FAM13C: variants seen among roughly 807,000 people sequenced by gnomAD.
FAM13C encodes protein FAM13C.
In FAM13C, 37 loss-of-function variants were observed where a neutral mutation model predicts 73.2. The observed-to-expected ratio is 0.51, with a 90% CI of 0.39 to 0.67. FAM13C has a LOEUF of 0.67. Among genes scored for constraint, FAM13C ranks in the 30% least tolerant of loss-of-function variants. The pLI, the probability that FAM13C is intolerant of heterozygous loss-of-function variation, is 0.00. For missense variants in FAM13C, 589 were observed against 715.6 expected, an observed-to-expected ratio of 0.82 and a Z score of 2.02; for synonymous variants, 246 against 260.9, an observed-to-expected ratio of 0.94 and a Z score of 0.55.
chr10:59,329,824 G>A (rs1300613289), intron 3 of FAM13C, among the ~76,000 whole-genome samples: 1 of 152,080 alleles, frequency 6.6e-6, no homozygotes, highest in Non-Finnish European at 1.5e-5. Flanking sequence ...TACTAAACTA[G>A]GCACCTTCTA....
chr10:59,263,962 T>C (rs986453600), intron 9 of FAM13C, 123 bp downstream of exon 9: 1 of 874,982 alleles, frequency 1.1e-6, no homozygotes, highest in South Asian at 1.4e-5. Context: ...GGAGTTACAG[T>C]CTAAGCAGAA....
chr10:59,357,884 A>G (rs1215253123), intron 1 of FAM13C, among the ~76,000 whole-genome samples: 1 of 152,236 alleles, frequency 6.6e-6, no homozygotes, highest in East Asian at 1.9e-4. Flanking sequence ...CATAAATATA[A>G]CCATAATATA....
intron 5 of FAM13C, among the ~76,000 whole-genome samples, chr10:59,300,336 G>T (rs1024307425): frequency 1.3e-5 from 2 of 152,222 alleles, no homozygotes; most frequent in Admixed American, 1.3e-4. Flanking sequence ...TTTGGACCAT[G>T]ATTCTCATGA....
chr10:59,327,678 T>A (rs1851361689), intron 3 of FAM13C: 1 of 151,654 alleles, frequency 6.6e-6, no homozygotes, highest in Non-Finnish European at 1.5e-5. Context: ...AACATTCGGC[T>A]CAAAAATTGT....
chr10:59,283,421 G>A lies in FAM13C; in HGVS notation c.534C>T (p.Val178=), dbSNP rs371081080. Residue 178 remains valine, a synonymous_variant, in exon 6 of 14, where the codon GTC becomes GTT. Coordinates refer to ENST00000618804, the MANE Select transcript of FAM13C (RefSeq NM_198215.4). The part of the protein sequence containing the change: ...NEEEAAQVHG[V]KDPAPASTQS... The stretch of plus-strand genomic sequence containing the variant: ...GGGTTGATGCTGGCGCCGGGTCCTT[G>A]ACTCCATGCACCTGAGCAGCTTCTT... The A allele has an allele frequency of 1.5e-5, 24 of 1,614,090 alleles. No individual in the cohort carries two copies. Among genetic ancestry groups the A allele is most frequent in the Middle Eastern group, 3.3e-4 (2 of 6,084 alleles).
At chr10:59,331,414 C>T (rs1851954746) in intron 3 of FAM13C, among the ~76,000 whole-genome samples, 1 of 152,138 alleles carries the variant, frequency 6.6e-6, no homozygotes, top group South Asian at 2.1e-4. Context: ...GGATGGGTGA[C>T]TATTTTTAGA....
intron 4 of FAM13C, among the ~76,000 whole-genome samples, chr10:59,310,792 T>C (rs553113989): frequency 1.3e-5 from 2 of 152,306 alleles, no homozygotes; most frequent in Admixed American, 1.3e-4. Context: ...TCCCACCTTG[T>C]ACTTCTCTGA....
chr10:59,326,817 G>A (rs1342063144), intron 3 of FAM13C, among the ~76,000 whole-genome samples: 1 of 152,132 alleles, frequency 6.6e-6, no homozygotes, highest in African/African-American at 2.4e-5. Context: ...GACCTCTCTA[G>A]TCTGCCCTAG....
At chr10:59,283,135 T>A (rs1436461975) in intron 6 of FAM13C, among the ~76,000 whole-genome samples, 1 of 151,954 alleles carries the variant, frequency 6.6e-6, no homozygotes, top group African/African-American at 2.4e-5. Context: ...TGACACCCAT[T>A]TGTGTAAGTG....
At chr10:59,295,083 C>G (rs543311480) in intron 5 of FAM13C, among the ~76,000 whole-genome samples, 5 of 152,176 alleles carry the variant, frequency 3.3e-5, no homozygotes, top group African/African-American at 1.2e-4. Flanking sequence ...ATGCCCCAAG[C>G]CAGATAAATC....
intron 5 of FAM13C, among the ~76,000 whole-genome samples, chr10:59,302,301 A>G (rs1390258699): frequency 1.3e-5 from 2 of 152,210 alleles, no homozygotes; most frequent in Non-Finnish European, 2.9e-5. Context: ...CATGATGTCC[A>G]GTTTGGTGGG....
At chr10:59,283,829 G>A (rs976355573) in intron 5 of FAM13C, 3 of 464,856 alleles carry the variant, frequency 6.5e-6, no homozygotes, top group African/African-American at 1.9e-5. Context: ...GAGGCTTTAC[G>A]CTTTGAGTGT....
At chr10:59,286,229 C>A (rs1287623118) in intron 5 of FAM13C, among the ~76,000 whole-genome samples, 1 of 152,038 alleles carries the variant, frequency 6.6e-6, no homozygotes, top group African/African-American at 2.4e-5. Flanking sequence ...TAAAATTCAT[C>A]GAAGCTGGAA....
chr10:59,248,652 A>T (rs893007167), intron 13 of FAM13C, among the ~76,000 whole-genome samples: 5 of 152,178 alleles, frequency 3.3e-5, no homozygotes, highest in Admixed American at 2.6e-4. Context: ...TTACAACTGA[A>T]TATAACCACA....
intron 5 of FAM13C, among the ~76,000 whole-genome samples, chr10:59,288,059 C>T (rs1391866806): frequency 5.9e-5 from 9 of 152,222 alleles, no homozygotes; most frequent in African/African-American, 2.2e-4. Flanking sequence ...TGCTTAGACA[C>T]TGTGTTTGGA....
In FAM13C at chr10:59,329,026, G is replaced by A. The variant is rs541891899; in HGVS notation, c.325-4920C>T. Reference sequence around the variant, plus strand: ...GGGAACTTTAAAGATGTTTATACCCGGATAAAAGAAGCTATTGGACTATTA... The same window carrying A: ...GGGAACTTTAAAGATGTTTATACCCAGATAAAAGAAGCTATTGGACTATTA... On this transcript the variant is annotated intron_variant, in intron 3 of 13. Transcript: ENST00000618804. Among the ~76,000 whole-genome samples, 18 of 152,100 alleles carry A rather than the reference G, an allele frequency of 1.2e-4. No individual in the cohort carries two copies. In the South Asian group the frequency reaches 2.5e-3, roughly 21 times the overall value.
intron 2 of FAM13C, 63 bp from the exon 3 acceptor site, chr10:59,352,537 A>G (rs1002937589): frequency 4.4e-5 from 64 of 1,468,862 alleles, no homozygotes; most frequent in Non-Finnish European, 5.6e-5. Context: ...CTGCTGCAGG[A>G]AAGAGGGCTG....
intron 10 of FAM13C, among the ~76,000 whole-genome samples, chr10:59,255,425 A>G (rs958614102): frequency 2.6e-5 from 4 of 151,568 alleles, no homozygotes; most frequent in African/African-American, 2.4e-5. Context: ...CTATCCATCT[A>G]TTTGTCTGTC....
At chr10:59,250,653 A>C (rs2133358897) in intron 13 of FAM13C, among the ~76,000 whole-genome samples, 1 of 152,310 alleles carries the variant, frequency 6.6e-6, no homozygotes, top group Non-Finnish European at 1.5e-5. Context: ...TGAACTGAAA[A>C]GTCAAATACA....
Sources: allele counts gnomAD v4.1 joint callset (sites outside exome capture counted in the v4.1 genomes callset), GRCh38; gene constraint gnomAD v4.1.1; transcripts MANE v1.5; gene names NCBI Gene and HGNC (gene_info 2026-07-23, HGNC 2026-07-21).